Variants in BRCA2 observed in about 807,000 individuals in gnomAD.
BRCA2 encodes BRCA2 DNA repair associated, also known as breast cancer type 2 susceptibility protein.
Under a neutral mutation model 276.7 loss-of-function variants are expected in BRCA2, and 203 were observed. The ratio of observed to expected loss-of-function variants is 0.73; its 90% confidence interval spans 0.65 to 0.82. The LOEUF is 0.82. BRCA2 is among the 40% of genes least tolerant of loss of function. The probability of loss-of-function intolerance (pLI) is 0.00; values close to 1 mark genes in which losing one functional copy is unlikely to be tolerated. For missense variants in BRCA2, 3,920 were observed against 3,915.0 expected (o/e 1.00, Z -0.03); for synonymous variants, 1,289 against 1,338.4 (o/e 0.96, Z 0.81).
rs1566224153 is a variant in BRCA2 at position 32,333,184 on chromosome 13, A to G, written c.1706A>G (p.Gln569Arg). Residue 569 changes from glutamine to arginine, a missense_variant, in exon 10 of 27, where the codon CAG becomes CGG. By Grantham distance (43) the Gln-to-Arg change is conservative. Transcript: ENST00000380152. ...DNGSWPATTT[Q>R]NSVALKNAGL... is the part of the protein sequence containing the mutation. ...GGAAGCTGGCCAGCCACCACCACAC[A>G]GAATTCTGTAGCTTTGAAGAATGCA... 3 of 1,613,978 alleles carry G rather than the reference A, an allele frequency of 1.9e-6. No homozygotes were observed. In the African/African-American group the frequency reaches 4.0e-5, roughly 22 times the overall value.
intron 9 of BRCA2, among the ~76,000 whole-genome samples, chr13:32,331,876 T>C (rs1226047215): frequency 6.6e-6 from 1 of 152,196 alleles, no homozygotes; most frequent in African/African-American, 2.4e-5. Context: ...CGTATGTATA[T>C]GCATATGTAA....
At chr13:32,317,945 C>T (rs925896417) in intron 2 of BRCA2, among the ~76,000 whole-genome samples, 3 of 152,200 alleles carry the variant, frequency 2.0e-5, no homozygotes, top group Non-Finnish European at 2.9e-5. Context: ...TATTGTACTT[C>T]AGTATGCAGA....
chr13:32,340,432 C>CA lies in BRCA2; in HGVS notation c.6079dup (p.Arg2027LysfsTer22), dbSNP rs397507826. On this transcript the variant is annotated frameshift_variant, in exon 11 of 27. Transcript: ENST00000380152. LOFTEE classifies it high-confidence loss of function. ...AGTAACGAACATTCAGACCAGCTCA[C>CA]AAGAGAAGAAAATACTGCTATACGT... is the stretch of plus-strand genomic sequence containing the variant. 5.0e-6 allele frequency: 8 copies of CA among 1,613,806 alleles called. No homozygotes were observed. The highest frequency in any genetic ancestry group is 6.8e-6 in the Non-Finnish European group (8 of 1,179,822).
intron 13 of BRCA2, among the ~76,000 whole-genome samples, chr13:32,351,383 A>G (rs2072649458): frequency 1.3e-5 from 2 of 152,154 alleles, no homozygotes; most frequent in Admixed American, 6.5e-5. Flanking sequence ...AACCCACCAG[A>G]AAGAAGAAAC....
rs864622073 is a variant in BRCA2 at position 32,339,371 on chromosome 13, C to T, written c.5016C>T (p.Tyr1672=). 2 of 1,591,638 alleles carry T rather than the reference C, an allele frequency of 1.3e-6. No individual in the cohort carries two copies. Among genetic ancestry groups the T allele is most frequent in the Non-Finnish European group, 1.7e-6 (2 of 1,170,210 alleles). ...SVIENSALAF[Y]TSCSRKTSVS... ...TTGAAAATTCAGCCTTAGCTTTTTA[C>T]ACAAGTTGTAGTAGAAAAACTTCTG... Residue 1672 remains tyrosine (Y), a synonymous_variant, in exon 11 of 27, where the codon TAC becomes TAT. Transcript: ENST00000380152.
Position 32,337,788 on chromosome 13 carries a change from C to T in BRCA2, c.3433C>T (p.Pro1145Ser), listed in dbSNP as rs1555283232. The change falls in exon 11 of 27, where the codon CCT (proline) becomes TCT (serine). Residue 1145 changes from proline to serine, a missense_variant. By Grantham distance (74) the Pro-to-Ser change is moderately conservative (BLOSUM62 -1). Around this residue, in one of 2 missense-constraint regions of BRCA2, gnomAD observed 3,263 missense variants for 3,156.9 expected, o/e 1.03. Transcript: ENST00000380152. ...YILQKSTFEV[P>S]ENQMTILKTT... ...ATTGCAGAAGAGTACATTTGAAGTG[C>T]CTGAAAACCAGATGACTATCTTAAA... 1 of 1,613,974 alleles carries T rather than the reference C, an allele frequency of 6.2e-7. No homozygotes were observed. The highest frequency in any genetic ancestry group is 1.7e-5 in the Admixed American group (1 of 60,016).
At chr13:32,357,698 A>T (rs2137565727) in intron 15 of BRCA2, 44 bp from the exon 16 acceptor site, 5 of 1,575,490 alleles carry the variant, frequency 3.2e-6, no homozygotes, top group Non-Finnish European at 4.3e-6. Flanking sequence ...ATACATGTTT[A>T]CTTTAAATTG....
intron 13 of BRCA2, among the ~76,000 whole-genome samples, chr13:32,354,051 T>G (rs2072670170): frequency 6.6e-6 from 1 of 152,310 alleles, no homozygotes; most frequent in East Asian, 1.9e-4. Context: ...TTTGGAGACT[T>G]TTTTTGAGGA....
Position 32,337,644 on chromosome 13 carries a change from T to C in BRCA2, c.3289T>C (p.Phe1097Leu). 1 of 1,588,432 alleles carries C rather than the reference T, an allele frequency of 6.3e-7. No individual in the cohort carries two copies. Among genetic ancestry groups the C allele is most frequent in the African/African-American group, 1.4e-5 (1 of 73,678 alleles). ...TCAGATGTTATTTTCCAAGCAGGAT[T>C]TTAATTCAAACCATAATTTAACACC... ...TPQMLFSKQD[F>L]NSNHNLTPSQ... Residue 1097 changes from phenylalanine (F) to leucine (L), a missense_variant, in exon 11 of 27, where the codon TTT becomes CTT. By Grantham distance (22) the Phe-to-Leu change is conservative. This residue lies in a region of BRCA2 where 3,263 missense variants were observed against 3,156.9 expected (regional missense o/e 1.03). Coordinates refer to ENST00000380152, the MANE Select transcript of BRCA2 (RefSeq NM_000059.4).
At chr13:32,335,394 A>G (rs1279133033) in intron 10 of BRCA2, among the ~76,000 whole-genome samples, 3 of 152,062 alleles carry the variant, frequency 2.0e-5, no homozygotes, top group Non-Finnish European at 4.4e-5. Flanking sequence ...ATGAAATGCA[A>G]TTAAGAACTG....
chr13:32,387,766 C>T (rs1301756200), intron 24 of BRCA2, among the ~76,000 whole-genome samples: 1 of 152,192 alleles, frequency 6.6e-6, no homozygotes, highest in Non-Finnish European at 1.5e-5. Flanking sequence ...TTTGATCTTT[C>T]TTATAAGTGC....
intron 2 of BRCA2, among the ~76,000 whole-genome samples, chr13:32,317,915 A>G (rs563468165): frequency 3.2e-4 from 49 of 152,376 alleles, no homozygotes; most frequent in African/African-American, 1.2e-3. Flanking sequence ...ACAGCTCAAC[A>G]TGAGTGCTTT....
In BRCA2 at chr13:32,371,015, G is replaced by A. The variant is rs749039580; in HGVS notation, c.8547G>A (p.Lys2849=). Residue 2849 remains lysine, a synonymous_variant, in exon 20 of 27, where the codon AAG becomes AAA. Transcript: ENST00000380152. ...YIFRNEREEE[K]EAAKYVEAQQ... is the part of the protein sequence containing the mutation. ...TTCGCAATGAAAGAGAGGAAGAAAAGGAAGCAGCAAAATATGTGGAGGCCC... is the reference window on the plus strand; with the variant it reads ...TTCGCAATGAAAGAGAGGAAGAAAAAGAAGCAGCAAAATATGTGGAGGCCC... 6.2e-7 allele frequency: 1 copy of A among 1,614,128 alleles called. No homozygotes were observed. The highest frequency in any genetic ancestry group is 1.7e-5 in the Admixed American group (1 of 60,022).
chr13:32,339,436 G>C lies in BRCA2; in HGVS notation c.5081G>C (p.Arg1694Thr), dbSNP rs753721331. 1 of 1,591,930 alleles carries C rather than the reference G, an allele frequency of 6.3e-7. No homozygotes were observed. Among genetic ancestry groups the C allele is most frequent in the Non-Finnish European group, 8.5e-7 (1 of 1,170,820 alleles). The change falls in exon 11 of 27, where the codon AGA becomes ACA. Residue 1694 changes from arginine (R) to threonine (T), a missense_variant. By Grantham distance (71) the Arg-to-Thr change is moderately conservative. Transcript: ENST00000380152. ...TSLLEAKKWL[R>T]EGIFDGQPER... Reference sequence around the variant, plus strand: ...TTACTTGAAGCAAAAAAATGGCTTAGAGAAGGAATATTTGATGGTCAACCA... The same window carrying C: ...TTACTTGAAGCAAAAAAATGGCTTACAGAAGGAATATTTGATGGTCAACCA...
At chr13:32,320,961 C>G (rs2072302335) in intron 3 of BRCA2, among the ~76,000 whole-genome samples, 1 of 152,094 alleles carries the variant, frequency 6.6e-6, no homozygotes, top group Non-Finnish European at 1.5e-5. Flanking sequence ...GCCCATGAGT[C>G]TACATTTTAA....
At chr13:32,344,479 A>C in intron 11 of BRCA2, 79 bp from the exon 12 acceptor site, 1 of 929,664 alleles carries the variant, frequency 1.1e-6, no homozygotes, top group South Asian at 1.5e-5. Flanking sequence ...TTTAGCTTTA[A>C]AAAAATGGTC....
Position 32,379,215 on chromosome 13 carries a change from T to C in BRCA2, c.8755-102T>C, listed in dbSNP as rs1343462351. 2.8e-6 allele frequency: 3 copies of C among 1,077,732 alleles called. No individual in the cohort carries two copies. In the South Asian group the frequency reaches 4.1e-5, roughly 15 times the overall value. The allele number at this position is 1,077,732 out of a possible 1,614,324, so 66.8% of individuals were successfully genotyped here. The stretch of plus-strand genomic sequence containing the variant: ...CATTAACCACACCCTTAAGATGAGC[T>C]CTAATTTTGTTGTATTTGTCCTGTT... On this transcript the variant is annotated intron_variant, in intron 21 of 26. Transcript: ENST00000380152.
Position 32,332,812 on chromosome 13 carries a change from C to A in BRCA2, c.1334C>A (p.Ser445Tyr), listed in dbSNP as rs786202373. Residue 445 changes from serine (S) to tyrosine (Y), a missense_variant, in exon 10 of 27, where the codon TCT becomes TAT. By Grantham distance (144) the Ser-to-Tyr change is moderately radical (BLOSUM62 -2). Around this residue, in one of 2 missense-constraint regions of BRCA2, gnomAD observed 3,263 missense variants for 3,156.9 expected, o/e 1.03. Coordinates refer to ENST00000380152, the MANE Select transcript of BRCA2 (RefSeq NM_000059.4). ...RKKDFLTSEN[S>Y]LPRISSLPKS... is the part of the protein sequence containing the mutation. ...AAAGATTTTCTTACTTCAGAGAATT[C>A]TTTGCCACGTATTTCTAGCCTACCA... 2 of 1,610,828 alleles carry A rather than the reference C, an allele frequency of 1.2e-6. No individual in the cohort carries two copies. Among genetic ancestry groups the A allele is most frequent in the Non-Finnish European group, 1.7e-6 (2 of 1,179,144 alleles).
chr13:32,324,939 A>T (rs1466137350), intron 3 of BRCA2, 137 bp from the exon 4 acceptor site: 1 of 664,568 alleles, frequency 1.5e-6, no homozygotes, highest in African/African-American at 1.8e-5. Context: ...CAGCAAACTG[A>T]AAAACCTCTT....
Sources: allele counts gnomAD v4.1 joint callset (sites outside exome capture counted in the v4.1 genomes callset), GRCh38; gene constraint gnomAD v4.1.1; regional missense constraint gnomAD v4.1.1; transcripts MANE v1.5; gene names NCBI Gene and HGNC (gene_info 2026-07-23, HGNC 2026-07-21).